The following CFAP299 variants were observed in gnomAD, a reference collection of about 807,000 sequenced individuals.
CFAP299 encodes the protein cilia and flagella associated protein 299.
CFAP299 carries 21 observed loss-of-function variants against 27.0 expected under a neutral mutation model. That is an observed-to-expected ratio of 0.78 (90% confidence interval 0.55 to 1.12). The LOEUF (loss-of-function observed/expected upper bound fraction) is 1.12. CFAP299 is among the 50% of genes most tolerant of loss of function. The pLI, the probability that CFAP299 is intolerant of heterozygous loss-of-function variation, is 0.00. For synonymous variants in CFAP299, 104 were observed against 98.1 expected, an observed-to-expected ratio of 1.06 and a Z score of -0.36; for missense variants, 310 against 276.6, an observed-to-expected ratio of 1.12 and a Z score of -0.86.
intron 3 of CFAP299, among the ~76,000 whole-genome samples, chr4:80,602,826 G>A (rs1737427631): frequency 1.3e-5 from 2 of 152,106 alleles, no homozygotes; most frequent in Admixed American, 1.3e-4. Context: ...ATAAATACAT[G>A]AGGCATTACT....
intron 1 of CFAP299, among the ~76,000 whole-genome samples, chr4:80,339,997 T>C (rs958859543): frequency 6.6e-6 from 1 of 152,172 alleles, no homozygotes; most frequent in Non-Finnish European, 1.5e-5. Flanking sequence ...ACTTAGGGCA[T>C]TGTCTTCCCA....
At chr4:80,613,785 G>T (rs1406980610) in intron 3 of CFAP299, among the ~76,000 whole-genome samples, 1 of 152,124 alleles carries the variant, frequency 6.6e-6, no homozygotes, top group Non-Finnish European at 1.5e-5. Context: ...CTTTAAGATG[G>T]TCCTGCTCTA....
intron 3 of CFAP299, among the ~76,000 whole-genome samples, chr4:80,605,112 G>A (rs1196919996): frequency 5.9e-5 from 9 of 152,176 alleles, no homozygotes; most frequent in Admixed American, 5.9e-4. Flanking sequence ...TCATGCCTGA[G>A]TCATATAAAA....
rs897676050 is a variant in CFAP299, at chr4:80,463,492, C to A, written c.242+100608C>A. Among the ~76,000 whole-genome samples the A allele has an allele frequency of 2.0e-5, 3 of 152,286 alleles. No homozygotes were observed. The South Asian group carries it at 6.2e-4, about 32-fold the overall frequency. ...TATTAGTCTGTTTGGGCTGCCGTAA[C>A]AAAATACTACACAGTCTGGGTAACT... On this transcript the variant is annotated intron_variant, in intron 2 of 5. Transcript: ENST00000358105.
chr4:80,406,301 A>G (rs1436659049), intron 2 of CFAP299, among the ~76,000 whole-genome samples: 1 of 152,202 alleles, frequency 6.6e-6, no homozygotes, highest in Non-Finnish European at 1.5e-5. Flanking sequence ...TGTTGGCTGA[A>G]GTTCTGCATT....
intron 2 of CFAP299, among the ~76,000 whole-genome samples, chr4:80,378,634 T>C (rs1044399048): frequency 2.0e-5 from 3 of 152,150 alleles, no homozygotes; most frequent in African/African-American, 7.2e-5. Flanking sequence ...TATTAAATTC[T>C]GTCAGATGAT....
chr4:80,587,123 A>G (rs531221482), intron 3 of CFAP299, among the ~76,000 whole-genome samples: 12 of 152,246 alleles, frequency 7.9e-5, no homozygotes, highest in African/African-American at 2.9e-4. Flanking sequence ...ACTTTTATAA[A>G]ATGTTCCCTT....
At chr4:80,832,247 C>T (rs773894022) in intron 3 of CFAP299, among the ~76,000 whole-genome samples, 51 of 152,098 alleles carry the variant, frequency 3.4e-4, no homozygotes, top group Admixed American at 4.6e-4. Flanking sequence ...AACATCCATA[C>T]GGTAGTCTGT....
chr4:80,839,482 C>T (rs927321963), intron 3 of CFAP299, among the ~76,000 whole-genome samples: 1 of 152,072 alleles, frequency 6.6e-6, no homozygotes, highest in Non-Finnish European at 1.5e-5. Context: ...GGCAGGTTTG[C>T]TTCCCTCTCC....
chr4:80,769,033 G>A (rs920427660), intron 3 of CFAP299, among the ~76,000 whole-genome samples: 1 of 152,322 alleles, frequency 6.6e-6, no homozygotes, highest in South Asian at 2.1e-4. Flanking sequence ...GAAGACAAGG[G>A]AGGGGAGCAG....
intron 3 of CFAP299, among the ~76,000 whole-genome samples, chr4:80,752,063 C>T (rs568862915): frequency 5.6e-4 from 86 of 152,214 alleles, no homozygotes; most frequent in Middle Eastern, 6.8e-3. Flanking sequence ...ACAAGGGGAT[C>T]TCCTGATCTA....
intron 4 of CFAP299, among the ~76,000 whole-genome samples, chr4:80,923,272 A>C (rs555921889): frequency 1.3e-5 from 2 of 151,996 alleles, no homozygotes; most frequent in Non-Finnish European, 2.9e-5. Context: ...AGTTCCAAAA[A>C]TTTTGTGCAA....
At chr4:80,437,026 G>A (rs1578441355) in intron 2 of CFAP299, among the ~76,000 whole-genome samples, 3 of 152,168 alleles carry the variant, frequency 2.0e-5, no homozygotes, top group Admixed American at 2.0e-4. Context: ...TCTGCTGCAT[G>A]TATCCCTCAT....
intron 3 of CFAP299, among the ~76,000 whole-genome samples, chr4:80,632,458 T>G (rs1431556440): frequency 1.3e-5 from 2 of 152,186 alleles, no homozygotes; most frequent in African/African-American, 4.8e-5. Context: ...TTATTCAGCA[T>G]CTATTATATG....
intron 2 of CFAP299, among the ~76,000 whole-genome samples, chr4:80,518,105 G>A (rs981619858): frequency 4.6e-5 from 7 of 152,066 alleles, no homozygotes; most frequent in Non-Finnish European, 1.0e-4. Flanking sequence ...GAGTAGAGAA[G>A]TAAGGTTCAC....
intron 3 of CFAP299, among the ~76,000 whole-genome samples, chr4:80,858,483 T>G (rs1203535292): frequency 1.3e-5 from 2 of 152,210 alleles, no homozygotes; most frequent in Admixed American, 6.5e-5. Flanking sequence ...CTTTTCTAGT[T>G]CTTTTAATTG....
intron 4 of CFAP299, among the ~76,000 whole-genome samples, chr4:80,899,508 A>G (rs375887111): frequency 6.6e-6 from 1 of 152,124 alleles, no homozygotes; most frequent in African/African-American, 2.4e-5. Flanking sequence ...TTATCATGGG[A>G]CTCAAGAGAA....
At chr4:80,898,388 C>A (rs1426493840) in intron 4 of CFAP299, among the ~76,000 whole-genome samples, 4 of 152,054 alleles carry the variant, frequency 2.6e-5, no homozygotes, top group Admixed American at 2.0e-4. Context: ...CTGCTTCTCT[C>A]TAACATCCAA....
chr4:80,324,196 G>A, the CFAP299 span, among the ~76,000 whole-genome samples: 1 of 151,978 alleles, frequency 6.6e-6, no homozygotes, highest in Non-Finnish European at 1.5e-5. Context: ...TCCACGTGAA[G>A]AAACGATATT....
Sources: gnomAD v4.1 joint callset for allele counts (sites outside exome capture counted in the v4.1 genomes callset) on GRCh38, gnomAD v4.1.1 for gene constraint, MANE v1.5 for transcripts, NCBI Gene and HGNC (gene_info 2026-07-23, HGNC 2026-07-21) for gene names.